Variants in HELLS observed in about 807,000 individuals in gnomAD.
The protein encoded by HELLS is helicase, lymphoid specific, also known as lymphoid-specific helicase.
A neutral mutation model predicts 120.0 loss-of-function variants in HELLS; 32 were observed. The ratio of observed to expected loss-of-function variants is 0.27; its 90% confidence interval spans 0.20 to 0.36. The LOEUF is 0.36. Ranked by LOEUF, HELLS falls within the 10% of genes least tolerant of loss-of-function variation. The pLI is 1.00. For missense variants in HELLS, 650 were observed against 993.4 expected, an observed-to-expected ratio of 0.65 and a Z score of 4.65; for synonymous variants, 341 against 323.4, an observed-to-expected ratio of 1.05 and a Z score of -0.58.
downstream of HELLS, among the ~76,000 whole-genome samples, chr10:94,605,106 G>A (rs1195397797): frequency 8.3e-6 from 1 of 120,188 alleles, no homozygotes; most frequent in African/African-American, 3.4e-5. Flanking sequence ...CTTTAAGACA[G>A]AGTTTCACTC....
Position 94,590,731 on chromosome 10 carries a change from A to T in HELLS, c.1722A>T (p.Pro574=). The T allele has an allele frequency of 6.3e-7, 1 of 1,593,588 alleles. No homozygotes were observed. The highest frequency in any genetic ancestry group is 8.6e-7 in the Non-Finnish European group (1 of 1,162,448). ...MMLLRKCCNH[P]YLIEYPIDPV... Reference sequence around the variant, plus strand: ...TACTTCGTAAATGTTGTAATCATCCATATTTGATTGAATATCCTATAGACC... The same window carrying T: ...TACTTCGTAAATGTTGTAATCATCCTTATTTGATTGAATATCCTATAGACC... Residue 574 remains proline, a synonymous_variant, in exon 15 of 22, where the codon CCA becomes CCT. Coordinates refer to ENST00000348459, the MANE Select transcript of HELLS (RefSeq NM_018063.5).
intron 4 of HELLS, among the ~76,000 whole-genome samples, chr10:94,561,658 G>A (rs11188024): frequency 0.034 from 5,158 of 151,938 alleles, 257 homozygotes; most frequent in African/African-American, 0.11. Context: ...TAGAGGTGGG[G>A]ATCTTGCTTT....
At chr10:94,590,368 A>G in intron 13 of HELLS, 45 bp from the exon 14 acceptor site, 1 of 1,523,324 alleles carries the variant, frequency 6.6e-7, no homozygotes, top group Non-Finnish European at 8.9e-7. Context: ...GAACCTAAGG[A>G]CATAGCTTTA....
intron 21 of HELLS, among the ~76,000 whole-genome samples, chr10:94,598,614 T>G (rs894467259): frequency 1.7e-4 from 26 of 151,538 alleles, no homozygotes; most frequent in Non-Finnish European, 1.9e-4. Flanking sequence ...AAGTTTTTTT[T>G]TTTTTTTTTT....
At chr10:94,609,530 C>G (rs1065027) in intron 9 of HELLS, among the ~76,000 whole-genome samples, 6 of 152,048 alleles carry the variant, frequency 3.9e-5, no homozygotes, top group African/African-American at 1.4e-4. Flanking sequence ...TGAAATACAT[C>G]GTAAGAGAAT....
At chr10:94,591,578 G>A (rs1435066590) in intron 15 of HELLS, among the ~76,000 whole-genome samples, 1 of 152,174 alleles carries the variant, frequency 6.6e-6, no homozygotes, top group African/African-American at 2.4e-5. Flanking sequence ...CAGCATCCCT[G>A]TCTTCTACCC....
At chr10:94,586,189 C>T (rs558843849) in intron 12 of HELLS, among the ~76,000 whole-genome samples, 159 of 151,990 alleles carry the variant, frequency 1.0e-3, no homozygotes, top group African/African-American at 3.3e-3. Flanking sequence ...GGTGCAATCT[C>T]GGCTCACTGC....
intron 6 of HELLS, among the ~76,000 whole-genome samples, chr10:94,565,129 G>A (rs1489485466): frequency 6.6e-6 from 1 of 152,178 alleles, no homozygotes; most frequent in Non-Finnish European, 1.5e-5. Flanking sequence ...GTGAGGCCAG[G>A]AGTTCGAAAC....
chr10:94,573,152 G>A (rs200885509), intron 7 of HELLS, among the ~76,000 whole-genome samples: 35 of 61,418 alleles, frequency 5.7e-4, no homozygotes, highest in Non-Finnish European at 1.1e-3. Context: ...TAGAGACAGT[G>A]TGTCACCATT....
In HELLS at chr10:94,566,218, C is replaced by T. The variant is rs527490519; in HGVS notation, c.435+3342C>T. On this transcript the variant is annotated intron_variant, in intron 6 of 21. Transcript: ENST00000348459. Reference sequence around the variant, plus strand: ...GTTTATACACCATATTAGAGGGGCTCTTCACTCTGGCATGCAGTTCCTGAA... The same window carrying T: ...GTTTATACACCATATTAGAGGGGCTTTTCACTCTGGCATGCAGTTCCTGAA... 3.1e-4 allele frequency among the ~76,000 whole-genome samples: 47 copies of T among 152,168 alleles called. 1 individual carries two copies. The South Asian group carries it at 8.9e-3, about 29-fold the overall frequency.
At chr10:94,569,286 G>A (rs1364947763) in intron 6 of HELLS, 1 of 152,038 alleles carries the variant, frequency 6.6e-6, no homozygotes, top group South Asian at 2.1e-4. Context: ...GGGTTCAAGT[G>A]AGTCTCCTGT....
intron 3 of HELLS, among the ~76,000 whole-genome samples, chr10:94,554,653 T>TG (rs1843160890): frequency 3.0e-5 from 4 of 135,370 alleles, no homozygotes; most frequent in East Asian, 2.4e-4. Context: ...TGTTTTTTTT[T>TG]TTGTTTTTTT....
chr10:94,599,226 A>G (rs577453426), intron 21 of HELLS, among the ~76,000 whole-genome samples: 48 of 152,356 alleles, frequency 3.2e-4, no homozygotes, highest in Admixed American at 2.2e-3. Flanking sequence ...AAAAAACAAC[A>G]TTATGTGAGG....
At chr10:94,592,356 T>C in intron 16 of HELLS, 39 bp from the exon 17 acceptor site, 1 of 1,581,728 alleles carries the variant, frequency 6.3e-7, no homozygotes, top group Non-Finnish European at 8.6e-7. Context: ...ATTATTTTTT[T>C]ATCAATCATT....
At chr10:94,577,532 G>T (rs1844558921) in intron 10 of HELLS, 1 of 153,486 alleles carries the variant, frequency 6.5e-6, no homozygotes, top group Non-Finnish European at 1.4e-5. Context: ...GACCAGTATT[G>T]TCAGGTTTTA....
chr10:94,593,367 T>C (rs1845585236), intron 17 of HELLS, 132 bp from the exon 18 acceptor site: 1 of 597,298 alleles, frequency 1.7e-6, no homozygotes, highest in Admixed American at 2.9e-5. Context: ...ATAATTGTTT[T>C]ATAGATCTGA....
intron 7 of HELLS, among the ~76,000 whole-genome samples, chr10:94,571,851 C>A (rs1320595133): frequency 6.6e-6 from 1 of 152,192 alleles, no homozygotes; most frequent in Non-Finnish European, 1.5e-5. Context: ...GCCACCTCTT[C>A]ACTTAGCCCA....
chr10:94,584,043 G>T, intron 12 of HELLS: 1 of 1,109,290 alleles, frequency 9.0e-7, no homozygotes, highest in Non-Finnish European at 1.3e-6. Flanking sequence ...TTCTTTGAAG[G>T]CAAATTGCCC....
chr10:94,589,051 G>A (rs1845323605), intron 13 of HELLS, among the ~76,000 whole-genome samples: 1 of 152,202 alleles, frequency 6.6e-6, no homozygotes, highest in East Asian at 1.9e-4. Context: ...GGAAGGCTGA[G>A]GCAGGAGAAT....
Sources: allele counts gnomAD v4.1 joint callset (sites outside exome capture counted in the v4.1 genomes callset), GRCh38; gene constraint gnomAD v4.1.1; transcripts MANE v1.5; gene names NCBI Gene and HGNC (gene_info 2026-07-23, HGNC 2026-07-21).